NME9: variants seen among roughly 807,000 people sequenced by gnomAD.
The protein encoded by NME9 is thioredoxin domain-containing protein 6.
Under a neutral mutation model 44.4 loss-of-function variants are expected in NME9, and 48 were observed. The ratio of observed to expected loss-of-function variants is 1.08; its 90% CI spans 0.86 to 1.37. The LOEUF (loss-of-function observed/expected upper bound fraction) is 1.37. Among genes scored for constraint, NME9 ranks in the 40% most tolerant of loss-of-function variants. The pLI is 0.00. For synonymous variants in NME9, 139 were observed against 147.1 expected, an observed-to-expected ratio of 0.94 and a Z score of 0.40; for missense variants, 325 against 405.2, an observed-to-expected ratio of 0.80 and a Z score of 1.70.
intron 8 of NME9, 63 bp from the exon 9 acceptor site, chr3:138,305,090 C>G: frequency 6.7e-7 from 1 of 1,485,782 alleles, no homozygotes; most frequent in South Asian, 1.2e-5. Context: ...AGAGGATCAG[C>G]GAGCCCATCT....
intron 8 of NME9, chr3:138,290,732 T>C: frequency 1.3e-6 from 1 of 788,214 alleles, no homozygotes; most frequent in South Asian, 1.8e-5. Context: ...GCCATACTTT[T>C]TAAAATCTTT....
At chr3:138,272,968 A>G in intron 8 of NME9, 2 of 1,592,352 alleles carry the variant, frequency 1.3e-6, no homozygotes, top group Non-Finnish European at 1.7e-6. Context: ...TCCTTTCAGA[A>G]TATGGCATTT....
intron 8 of NME9, among the ~76,000 whole-genome samples, chr3:138,272,268 C>T (rs889892341): frequency 9.9e-5 from 15 of 152,222 alleles, no homozygotes; most frequent in Middle Eastern, 6.8e-3. Flanking sequence ...TATTTTCTTC[C>T]GTGAGTACTT....
chr3:138,305,167 G>T, intron 8 of NME9, 140 bp from the exon 9 acceptor site: 1 of 738,872 alleles, frequency 1.4e-6, no homozygotes, highest in Non-Finnish European at 2.2e-6. Context: ...TGGCCACTCA[G>T]CCACTGCACC....
Position 138,289,195 on chromosome 3 carries a change from C to T in NME9, c.745+14312G>A, listed in dbSNP as rs1002914917. The T allele has an allele frequency of 2.2e-5, 25 of 1,154,128 alleles. No homozygotes were observed. The Middle Eastern group carries it at 6.6e-4, about 30-fold the overall frequency. 71.5% of individuals were successfully genotyped at this position (1,154,128 alleles called of 1,614,324 possible). ...TTGCACAGGGAAGCTAGCAGGTGCC[C>T]CTGAGATCCTGGGCAGAGGCTCTGT... On this transcript the variant is annotated intron_variant, in intron 8 of 8. Transcript: ENST00000317876.
Position 138,275,842 on chromosome 3 carries a change from A to G in NME9, c.746-13256T>C, listed in dbSNP as rs548056757. The stretch of plus-strand genomic sequence containing the variant: ...GATATTTTACGTGATATCTCTTAAA[A>G]TTTTTTTTAAAACTGTGTTTTGATG... On this transcript the variant is annotated intron_variant, in intron 8 of 8. Coordinates refer to the NME9 transcript ENST00000317876. Among the ~76,000 whole-genome samples the G allele has an allele frequency of 8.5e-5, 13 of 152,278 alleles. No homozygotes were observed. In the East Asian group the frequency reaches 1.9e-3, roughly 23 times the overall value.
chr3:138,275,495 C>T (rs925138419), intron 8 of NME9, among the ~76,000 whole-genome samples: 4 of 151,904 alleles, frequency 2.6e-5, no homozygotes, highest in African/African-American at 4.8e-5. Flanking sequence ...GGAGGTGGAG[C>T]TTGCAGTGAT....
rs1296741972 is a variant in NME9, at chr3:138,306,103, A to AAT, written c.544-9_544-8dup. On this transcript the variant is annotated splice_region_variant and splice_polypyrimidine_tract_variant and intron_variant, in intron 7 of 10. Coordinates refer to ENST00000333911, the MANE Select transcript of NME9 (RefSeq NM_001349018.2). ...CAAACCCAGCTTCCTGAATCTGTAG[A>AAT]ATATATATAAATATTCTAAAAGGGT... is the stretch of plus-strand genomic sequence containing the variant. 6.4e-7 allele frequency: 1 copy of AAT among 1,550,588 alleles called. No homozygotes were observed. Among genetic ancestry groups the AAT allele is most frequent in the African/African-American group, 1.4e-5 (1 of 73,428 alleles).
chr3:138,310,847 C>A (rs1350683671), intron 6 of NME9, among the ~76,000 whole-genome samples: 1 of 151,928 alleles, frequency 6.6e-6, no homozygotes, highest in Admixed American at 6.6e-5. Flanking sequence ...AATGGATGCA[C>A]CCAAATGCGC....
chr3:138,269,405 A>T (rs1250671931), intron 8 of NME9, among the ~76,000 whole-genome samples: 4 of 152,212 alleles, frequency 2.6e-5, no homozygotes, highest in Admixed American at 2.6e-4. Context: ...AATAAAGTTA[A>T]GTAGTTAGAC....
chr3:138,267,893 G>T (rs2048422221), intron 8 of NME9, among the ~76,000 whole-genome samples: 1 of 152,172 alleles, frequency 6.6e-6, no homozygotes, highest in African/African-American at 2.4e-5. Context: ...GAATTTATTT[G>T]CTGCATTATA....
At chr3:138,275,231 G>A (rs1005488573) in intron 8 of NME9, among the ~76,000 whole-genome samples, 4 of 152,194 alleles carry the variant, frequency 2.6e-5, no homozygotes, top group African/African-American at 9.7e-5. Flanking sequence ...TTTTGACATA[G>A]GTTTTGGCTA....
chr3:138,289,202 T>G, intron 8 of NME9: 1 of 1,091,198 alleles, frequency 9.2e-7, no homozygotes, highest in Non-Finnish European at 1.4e-6. Flanking sequence ...GCCCCTGAGA[T>G]CCTGGGCAGA....
chr3:138,312,267 A>G (rs1288434651), intron 6 of NME9, among the ~76,000 whole-genome samples: 1 of 152,190 alleles, frequency 6.6e-6, no homozygotes, highest in African/African-American at 2.4e-5. Context: ...AGAAAATACA[A>G]TCCTAAAATT....
At position 138,309,920 on chromosome 3, in the gene NME9, G is replaced by T. The variant is rs530564411; in HGVS notation, c.461-3440C>A. ...TCCATGCCTGTAATCCCAGCTAATT[G>T]GGAGGCTGAGGCAGGAGAATCGCTT... On this transcript the variant is annotated intron_variant, in intron 6 of 10. Coordinates refer to ENST00000333911, the MANE Select transcript of NME9 (RefSeq NM_001349018.2). Among the ~76,000 whole-genome samples the T allele has an allele frequency of 2.6e-5, 4 of 151,860 alleles. No homozygotes were observed. In the South Asian group the frequency reaches 8.3e-4, roughly 32 times the overall value.
rs1285145918 is a variant in NME9 at position 138,329,330 on chromosome 3, G to A, written c.6C>T (p.Gly2=). The A allele has an allele frequency of 2.6e-6, 4 of 1,536,100 alleles. No homozygotes were observed. Among genetic ancestry groups the A allele is most frequent in the Non-Finnish European group, 3.5e-6 (4 of 1,146,898 alleles). ...GCAGGGCAATTTCCTTCTTCCTGCTGCCCATGGCTCTGCAAAGAAGACGAA... is the reference window on the plus strand; with the variant it reads ...GCAGGGCAATTTCCTTCTTCCTGCTACCCATGGCTCTGCAAAGAAGACGAA... M[G]SRKKEIALQV... The change falls in exon 1 of 11, where the codon GGC becomes GGT. Residue 2 remains glycine, a synonymous_variant. Transcript: ENST00000333911.
chr3:138,279,578 C>T (rs891754521), intron 8 of NME9, among the ~76,000 whole-genome samples: 1 of 152,046 alleles, frequency 6.6e-6, no homozygotes, highest in Non-Finnish European at 1.5e-5. Context: ...GAGGTGTTCG[C>T]TCTTCAATTT....
At chr3:138,300,286 G>T (rs907004824), downstream of NME9, among the ~76,000 whole-genome samples, 2 of 152,238 alleles carry the variant, frequency 1.3e-5, no homozygotes, top group Non-Finnish European at 2.9e-5. Context: ...GTTCCCAACT[G>T]TGGGGACTGA....
downstream of NME9, among the ~76,000 whole-genome samples, chr3:138,299,495 G>A (rs1003239153): frequency 3.3e-5 from 5 of 152,016 alleles, no homozygotes; most frequent in African/African-American, 7.2e-5. Context: ...TAGGGTCTCC[G>A]CCAGTGAGTT....
Sources: allele counts gnomAD v4.1 joint callset (sites outside exome capture counted in the v4.1 genomes callset), GRCh38; gene constraint gnomAD v4.1.1; transcripts MANE v1.5; gene names NCBI Gene and HGNC (gene_info 2026-07-23, HGNC 2026-07-21).